RABGEF1: variants seen among roughly 807,000 people sequenced by gnomAD.
The protein encoded by RABGEF1 is RAB guanine nucleotide exchange factor 1.
Under a neutral mutation model 57.3 loss-of-function variants are expected in RABGEF1, and 26 were observed. The observed-to-expected ratio is 0.45, with a 90% CI of 0.33 to 0.63. RABGEF1 has a LOEUF of 0.63. RABGEF1 is among the 20% of genes least tolerant of loss of function. RABGEF1 has a pLI of 0.02. For missense variants in RABGEF1, 464 were observed against 607.6 expected, an observed-to-expected ratio of 0.76 and a Z score of 2.48; for synonymous variants, 185 against 210.7, an observed-to-expected ratio of 0.88 and a Z score of 1.06.
In RABGEF1 at chr7:66,805,132, CT is replaced by C. The variant is rs765206054; in HGVS notation, c.821-5del. On this transcript the variant is annotated splice_region_variant and splice_polypyrimidine_tract_variant and intron_variant, in intron 7 of 8. Coordinates refer to ENST00000284957, the MANE Select transcript of RABGEF1 (RefSeq NM_014504.3). The stretch of plus-strand genomic sequence containing the variant: ...CTCCTGGGAAATATTGTCTTTTCTG[CT>C]TTGTAGATATCATTGAAATGGATTC... 2.5e-6 allele frequency: 4 copies of C among 1,591,910 alleles called. No individual in the cohort carries two copies. In the South Asian group the frequency reaches 4.4e-5, roughly 18 times the overall value.
intron 1 of RABGEF1, among the ~76,000 whole-genome samples, chr7:66,687,042 C>T (rs1309653142): frequency 2.7e-5 from 4 of 149,344 alleles, no homozygotes; most frequent in African/African-American, 7.4e-5. Flanking sequence ...AGGATGGTCT[C>T]GATCTCCTGA....
In RABGEF1 at chr7:66,779,928, C is replaced by G. The variant is rs1247099006; in HGVS notation, c.347-3747C>G. On this transcript the variant is annotated intron_variant, in intron 3 of 8. Coordinates refer to ENST00000284957, the MANE Select transcript of RABGEF1 (RefSeq NM_014504.3). ...CCTCTCTAATCCAAACTTCTGGCCT[C>G]TTAGTAGGGATTGATTTTTAGGAAG... is the stretch of plus-strand genomic sequence containing the variant. Among the ~76,000 whole-genome samples, 2 of 152,164 alleles carry G rather than the reference C, an allele frequency of 1.3e-5. 1 individual carries two copies. Among genetic ancestry groups the G allele is most frequent in the East Asian group, 3.8e-4 (2 of 5,200 alleles).
At chr7:66,674,130 G>A in the RABGEF1 span, among the ~76,000 whole-genome samples, 1 of 151,696 alleles carries the variant, frequency 6.6e-6, no homozygotes, top group Non-Finnish European at 1.5e-5. Flanking sequence ...CTTACCCTAT[G>A]ACTGAACTAT....
At chr7:66,740,323 CAG>C (rs1461505248), upstream of RABGEF1, 8 of 152,286 alleles carry the variant, frequency 5.3e-5, no homozygotes, top group Non-Finnish European at 7.3e-5. Context: ...AGGACTGAAA[CAG>C]AGTTTCTGAA....
At chr7:66,701,582 C>G (rs1021378785) in intron 1 of RABGEF1, among the ~76,000 whole-genome samples, 3 of 150,020 alleles carry the variant, frequency 2.0e-5, no homozygotes, top group African/African-American at 4.9e-5. Context: ...AGTCTCAGCT[C>G]ACTGTAACCT....
At chr7:66,773,083 G>T (rs66559844) in intron 2 of RABGEF1, among the ~76,000 whole-genome samples, 9,969 of 57,666 alleles carry the variant, frequency 0.17, 425 homozygotes, top group East Asian at 0.38. Flanking sequence ...CTAGTTGTTT[G>T]TTTTTTTTTT....
the RABGEF1 span, among the ~76,000 whole-genome samples, chr7:66,657,066 C>T: frequency 6.6e-6 from 1 of 152,074 alleles, no homozygotes; most frequent in African/African-American, 2.4e-5. Flanking sequence ...CATTGGAGAC[C>T]TCACTACCTC....
chr7:66,725,082 A>C (rs1234426694), intron 2 of RABGEF1, among the ~76,000 whole-genome samples: 1 of 152,098 alleles, frequency 6.6e-6, no homozygotes, highest in African/African-American at 2.4e-5. Flanking sequence ...AAAATCTTGG[A>C]AACTAATTTG....
intron 1 of RABGEF1, among the ~76,000 whole-genome samples, chr7:66,765,666 C>T (rs1201935953): frequency 2.0e-5 from 3 of 152,164 alleles, no homozygotes; most frequent in Non-Finnish European, 2.9e-5. Context: ...GATACTCAGA[C>T]CACTTGATAG....
chr7:66,766,972 T>C (rs1411313082), intron 1 of RABGEF1, among the ~76,000 whole-genome samples: 1 of 148,294 alleles, frequency 6.7e-6, no homozygotes, highest in African/African-American at 2.5e-5. Flanking sequence ...TTCTCCCTAA[T>C]CCAACCTGGA....
chr7:66,744,981 A>C (rs1799867198), intron 1 of RABGEF1, among the ~76,000 whole-genome samples: 1 of 151,994 alleles, frequency 6.6e-6, no homozygotes, highest in African/African-American at 2.4e-5. Flanking sequence ...TCATGAGGTC[A>C]CGAGATCCAG....
At chr7:66,747,142 T>C (rs1429748631) in intron 1 of RABGEF1, among the ~76,000 whole-genome samples, 3 of 152,162 alleles carry the variant, frequency 2.0e-5, no homozygotes, top group Non-Finnish European at 2.9e-5. Context: ...CTCTTGGCAA[T>C]GGTCATTAAG....
At chr7:66,712,385 T>C (rs1299250944) in intron 2 of RABGEF1, among the ~76,000 whole-genome samples, 2 of 152,280 alleles carry the variant, frequency 1.3e-5, no homozygotes, top group African/African-American at 4.8e-5. Context: ...TTCTAATCTT[T>C]TGTTGCTAGC....
At chr7:66,795,371 CT>C in intron 4 of RABGEF1, 139 bp from the exon 5 acceptor site, 1 of 676,466 alleles carries the variant, frequency 1.5e-6, no homozygotes, top group African/African-American at 1.8e-5. Flanking sequence ...TTTTACTCTC[CT>C]GCAGGATTAA....
chr7:66,777,291 G>A (rs1004882733), intron 3 of RABGEF1, among the ~76,000 whole-genome samples: 17 of 152,198 alleles, frequency 1.1e-4, no homozygotes, highest in Admixed American at 8.5e-4. Context: ...TTTTGCAGAG[G>A]ACAGTGTGAA....
intron 1 of RABGEF1, among the ~76,000 whole-genome samples, chr7:66,764,583 T>C (rs1805236579): frequency 6.6e-6 from 1 of 152,244 alleles, no homozygotes; most frequent in Non-Finnish European, 1.5e-5. Context: ...GCTTTAGTTT[T>C]AGCTTTTACA....
intron 8 of RABGEF1, among the ~76,000 whole-genome samples, chr7:66,805,910 A>G (rs1197542534): frequency 6.7e-6 from 1 of 148,966 alleles, no homozygotes; most frequent in Non-Finnish European, 1.5e-5. Flanking sequence ...ACACCGGGCC[A>G]ATTTTTTTTT....
At chr7:66,794,533 A>G (rs527302645) in intron 4 of RABGEF1, among the ~76,000 whole-genome samples, 1 of 152,328 alleles carries the variant, frequency 6.6e-6, no homozygotes, top group South Asian at 2.1e-4. Flanking sequence ...AGAAACAAAT[A>G]CATATATTAC....
the RABGEF1 span, among the ~76,000 whole-genome samples, chr7:66,663,704 C>T: frequency 2.0e-5 from 3 of 151,914 alleles, no homozygotes; most frequent in Middle Eastern, 3.4e-3. Context: ...AACTAACCTG[C>T]ACATTGTGCA....
Sources: gnomAD v4.1 joint callset for allele counts (sites outside exome capture counted in the v4.1 genomes callset) on GRCh38, gnomAD v4.1.1 for gene constraint, MANE v1.5 for transcripts, NCBI Gene and HGNC (gene_info 2026-07-23, HGNC 2026-07-21) for gene names.